COA1: variants seen among roughly 807,000 people sequenced by gnomAD.
The protein encoded by COA1 is cytochrome c oxidase assembly factor 1 homolog.
A neutral mutation model predicts 16.0 loss-of-function variants in COA1; 13 were observed. The ratio of observed to expected loss-of-function variants is 0.81; its 90% CI spans 0.53 to 1.29. The LOEUF (loss-of-function observed/expected upper bound fraction) is 1.29. COA1 is among the 50% of genes most tolerant of loss of function. COA1 has a pLI of 0.00. For missense variants in COA1, 179 were observed against 177.0 expected, an observed-to-expected ratio of 1.01 and a Z score of -0.06; for synonymous variants, 65 against 65.7, an observed-to-expected ratio of 0.99 and a Z score of 0.05.
At position 43,627,471 on chromosome 7, in the gene COA1, T is replaced by C. The variant is rs539733927; in HGVS notation, c.*133+11978A>G. 3.3e-5 allele frequency among the ~76,000 whole-genome samples: 5 copies of C among 152,240 alleles called. No homozygotes were observed. In the South Asian group the frequency reaches 1.0e-3, roughly 32 times the overall value. On this transcript the variant is annotated intron_variant and NMD_transcript_variant, in intron 6 of 6. Coordinates refer to the COA1 transcript ENST00000415076. ...CAGTCCATAGAGGCCTATACCTGTT[T>C]AGAAAAAATAAATACCAATCCATGG...
chr7:43,726,466 A>G (rs2132345131), intron 1 of COA1, among the ~76,000 whole-genome samples: 1 of 152,386 alleles, frequency 6.6e-6, no homozygotes, highest in East Asian at 1.9e-4. Context: ...AAATAGATTG[A>G]AAATATCTGC....
In COA1 at chr7:43,644,795, GAGAC is replaced by G. The variant is rs1277343026; in HGVS notation, c.264+452_264+455del. Among the ~76,000 whole-genome samples, 191 of 111,604 alleles carry G rather than the reference GAGAC, an allele frequency of 1.7e-3. 1 individual carries two copies. Among genetic ancestry groups the G allele is most frequent in the African/African-American group, 4.7e-3 (136 of 28,680 alleles). 73.2% of individuals were successfully genotyped at this position (111,604 alleles called of 152,430 possible). On this transcript the variant is annotated intron_variant, in intron 4 of 5. Transcript: ENST00000223336. ...GCAGGCAGGCAGGCAGGCAGGCAGA[GAGAC>G]AGAGAGAGAGAGAGAGAGAGAGAGA...
intron 1 of COA1, among the ~76,000 whole-genome samples, chr7:43,706,645 G>A (rs1006503107): frequency 1.3e-5 from 2 of 152,176 alleles, no homozygotes; most frequent in Non-Finnish European, 2.9e-5. Flanking sequence ...AAGGTCAGCA[G>A]GTCACTTGAG....
chr7:43,644,052 A>G (rs1584259239), intron 4 of COA1, among the ~76,000 whole-genome samples: 1 of 151,876 alleles, frequency 6.6e-6, no homozygotes, highest in Admixed American at 6.6e-5. Context: ...GCCCACACCC[A>G]CCTCGCCCAC....
At chr7:43,675,939 G>C (rs1160610239) in intron 1 of COA1, among the ~76,000 whole-genome samples, 1 of 152,010 alleles carries the variant, frequency 6.6e-6, no homozygotes, top group Non-Finnish European at 1.5e-5. Flanking sequence ...GTATTATTCT[G>C]ATTCCTTTAA....
In COA1 at chr7:43,684,060, G is replaced by A. The variant is rs542676732; in HGVS notation, c.-38-35408C>T. The stretch of plus-strand genomic sequence containing the variant: ...CTACTGTCGGCTAGAATCTAAACTG[G>A]AGCTGTCAACTAGGGCAGCAGTCTC... On this transcript the variant is annotated intron_variant, in intron 1 of 5. Coordinates refer to ENST00000223336, the MANE Select transcript of COA1 (RefSeq NM_018224.4). Among the ~76,000 whole-genome samples the A allele has an allele frequency of 1.1e-4, 17 of 152,200 alleles. No homozygotes were observed. The South Asian group carries it at 1.7e-3, about 15-fold the overall frequency.
At chr7:43,620,962 G>A (rs779794627) in intron 6 of COA1, among the ~76,000 whole-genome samples, 14 of 152,134 alleles carry the variant, frequency 9.2e-5, no homozygotes, top group Non-Finnish European at 1.3e-4. Context: ...GCAAATACAG[G>A]CTAGAAGAGG....
chr7:43,619,782 T>C, intron 6 of COA1: 1 of 1,587,024 alleles, frequency 6.3e-7, no homozygotes, highest in Non-Finnish European at 8.6e-7. Context: ...ATTAGGGGAC[T>C]TGTCCATGTG....
chr7:43,721,176 T>C (rs2095498454), intron 1 of COA1, among the ~76,000 whole-genome samples: 1 of 152,224 alleles, frequency 6.6e-6, no homozygotes, highest in African/African-American at 2.4e-5. Context: ...TGAAAACAAA[T>C]ACAAATGTAT....
intron 1 of COA1, among the ~76,000 whole-genome samples, chr7:43,724,380 C>T (rs1414873898): frequency 6.6e-6 from 1 of 152,010 alleles, no homozygotes; most frequent in African/African-American, 2.4e-5. Flanking sequence ...TAGCAAAACC[C>T]TGTCTCTACT....
chr7:43,662,236 C>CT (rs536488855), intron 1 of COA1, among the ~76,000 whole-genome samples: 4 of 152,068 alleles, frequency 2.6e-5, no homozygotes, highest in South Asian at 4.1e-4. Flanking sequence ...TCATATATTT[C>CT]TTTTTTATTT....
intron 1 of COA1, among the ~76,000 whole-genome samples, chr7:43,658,212 T>A (rs2092011205): frequency 3.3e-5 from 5 of 151,878 alleles, no homozygotes; most frequent in Middle Eastern, 6.8e-3. Flanking sequence ...TCGTCTCTAC[T>A]AAAAATACAA....
chr7:43,609,623 A>G (rs975394286), intron 6 of COA1: 4 of 152,224 alleles, frequency 2.6e-5, no homozygotes, highest in African/African-American at 4.8e-5. Context: ...GGTTACTTTC[A>G]TATCAAGTCC....
intron 3 of COA1, chr7:43,645,617 A>G: frequency 6.0e-6 from 3 of 497,014 alleles, no homozygotes; most frequent in Non-Finnish European, 1.1e-5. Context: ...TGTGCAGATG[A>G]CCTTGGGCCT....
intron 1 of COA1, among the ~76,000 whole-genome samples, chr7:43,726,219 T>A (rs1421359365): frequency 1.3e-5 from 2 of 152,244 alleles, no homozygotes; most frequent in East Asian, 3.9e-4. Flanking sequence ...CATGGCACAT[T>A]TTTCAAGGCA....
chr7:43,677,219 A>G (rs1432788708), intron 1 of COA1, among the ~76,000 whole-genome samples: 1 of 152,234 alleles, frequency 6.6e-6, no homozygotes, highest in African/African-American at 2.4e-5. Context: ...CATAACTTTT[A>G]CAGCATTGGT....
intron 1 of COA1, chr7:43,659,041 TG>T (rs1422966881): frequency 1.3e-5 from 2 of 152,262 alleles, no homozygotes; most frequent in African/African-American, 4.8e-5. Flanking sequence ...ACTTGCTTTT[TG>T]TTAAAGATTT....
chr7:43,677,047 G>A (rs761663408), intron 1 of COA1, among the ~76,000 whole-genome samples: 3 of 152,238 alleles, frequency 2.0e-5, no homozygotes, highest in Non-Finnish European at 2.9e-5. Flanking sequence ...TCCTTTGTAC[G>A]ATGCCTAACA....
At chr7:43,676,821 C>G (rs1051507361) in intron 1 of COA1, among the ~76,000 whole-genome samples, 11 of 151,204 alleles carry the variant, frequency 7.3e-5, no homozygotes, top group African/African-American at 2.7e-4. Flanking sequence ...AACTTCAGAA[C>G]ACATCCAAAG....
Sources: gnomAD v4.1 joint callset for allele counts (sites outside exome capture counted in the v4.1 genomes callset) on GRCh38, gnomAD v4.1.1 for gene constraint, MANE v1.5 for transcripts, NCBI Gene and HGNC (gene_info 2026-07-23, HGNC 2026-07-21) for gene names.